The following GRM5 variants were observed in gnomAD, a reference collection of about 807,000 sequenced individuals.
The protein encoded by GRM5 is metabotropic glutamate receptor 5.
In GRM5, 19 loss-of-function variants were observed where a neutral mutation model predicts 83.1. The ratio of observed to expected loss-of-function variants is 0.23; its 90% CI spans 0.16 to 0.34. The LOEUF is 0.34. Ranked by LOEUF, GRM5 falls within the 10% of genes least tolerant of loss-of-function variation. GRM5 has a pLI of 1.00. For synonymous variants in GRM5, 675 were observed against 633.6 expected (o/e 1.07, Z -0.98); for missense variants, 1,160 against 1,588.3 (o/e 0.73, Z 4.58).
At chr11:88,670,339 G>T (rs78339652) in intron 3 of GRM5, among the ~76,000 whole-genome samples, 2,847 of 151,986 alleles carry the variant, frequency 0.019, 66 homozygotes, top group East Asian at 0.096. Flanking sequence ...ATAGGAAAGA[G>T]TTTTCAAAAA....
intron 3 of GRM5, among the ~76,000 whole-genome samples, chr11:88,722,427 G>C (rs1247054485): frequency 1.3e-5 from 2 of 152,124 alleles, no homozygotes. Flanking sequence ...TCCAAGTGTT[G>C]AGCAGAGGGA....
intron 3 of GRM5, among the ~76,000 whole-genome samples, chr11:88,792,926 C>T (rs1343495964): frequency 9.9e-5 from 15 of 152,018 alleles, no homozygotes; most frequent in Admixed American, 9.8e-4. Flanking sequence ...GTAAGATGGG[C>T]ATGATCTATT....
intron 1 of GRM5, among the ~76,000 whole-genome samples, chr11:89,064,888 C>CTGTGTGTG (rs71464050): frequency 1.6e-5 from 1 of 62,212 alleles, no homozygotes; most frequent in Admixed American, 1.7e-4. Context: ...CTCTCTCTCT[C>CTGTGTGTG]TGTGTGTGTG....
At chr11:88,995,829 T>C (rs562850798) in intron 2 of GRM5, among the ~76,000 whole-genome samples, 1 of 151,914 alleles carries the variant, frequency 6.6e-6, no homozygotes, top group Non-Finnish European at 1.5e-5. Context: ...CCAAATAAAA[T>C]ATCTACAAAT....
At chr11:88,687,442 A>C (rs1940655036) in intron 3 of GRM5, among the ~76,000 whole-genome samples, 1 of 138,700 alleles carries the variant, frequency 7.2e-6, no homozygotes, top group African/African-American at 2.8e-5. Flanking sequence ...GCTTCACTGC[A>C]CTCCAGCCTG....
intron 2 of GRM5, among the ~76,000 whole-genome samples, chr11:88,906,795 G>A (rs1408077899): frequency 6.6e-6 from 1 of 152,020 alleles, no homozygotes; most frequent in Non-Finnish European, 1.5e-5. Flanking sequence ...AGTAAATAAT[G>A]GAAACTCCAT....
At chr11:89,049,563 T>A (rs1279412745) in intron 1 of GRM5, among the ~76,000 whole-genome samples, 1 of 152,206 alleles carries the variant, frequency 6.6e-6, no homozygotes, top group African/African-American at 2.4e-5. Context: ...TACAAAAAGT[T>A]AAGTCCAGAC....
intron 3 of GRM5, among the ~76,000 whole-genome samples, chr11:88,753,265 C>T (rs962773816): frequency 1.3e-5 from 2 of 151,986 alleles, no homozygotes; most frequent in Non-Finnish European, 2.9e-5. Context: ...TGAGAAAAAA[C>T]AACCCCATCA....
Position 88,913,769 on chromosome 11 carries a change from T to C in GRM5, c.662-63614A>G, listed in dbSNP as rs1175406237. Among the ~76,000 whole-genome samples, 3 of 151,988 alleles carry C rather than the reference T, an allele frequency of 2.0e-5. No homozygotes were observed. The South Asian group carries it at 6.2e-4, about 32-fold the overall frequency. On this transcript the variant is annotated intron_variant, in intron 2 of 9. Coordinates refer to ENST00000305447, the MANE Select transcript of GRM5 (RefSeq NM_001143831.3). ...GCCAGGCTAATTTTTGTATTTTTAGTAGATATGGGATATCACCATGTTGGC... is the reference window on the plus strand; with the variant it reads ...GCCAGGCTAATTTTTGTATTTTTAGCAGATATGGGATATCACCATGTTGGC...
chr11:88,728,143 GAA>G (rs1023578632), intron 3 of GRM5, among the ~76,000 whole-genome samples: 3 of 151,324 alleles, frequency 2.0e-5, no homozygotes, highest in Admixed American at 2.0e-4. Context: ...TAATAAAAAA[GAA>G]AAAAAGAGAA....
chr11:88,627,214 C>T (rs1268852671), intron 4 of GRM5, among the ~76,000 whole-genome samples: 1 of 152,188 alleles, frequency 6.6e-6, no homozygotes, highest in Non-Finnish European at 1.5e-5. Flanking sequence ...TAAATCTAGC[C>T]TGTCAAATGC....
At chr11:88,568,176 C>T (rs966003768) in intron 7 of GRM5, among the ~76,000 whole-genome samples, 184 bp from the exon 8 acceptor site, 1 of 152,192 alleles carries the variant, frequency 6.6e-6, no homozygotes, top group African/African-American at 2.4e-5. Context: ...GATGATATTA[C>T]TGAACATGTA....
At chr11:89,008,190 A>G (rs1045316357) in intron 2 of GRM5, among the ~76,000 whole-genome samples, 26 of 152,162 alleles carry the variant, frequency 1.7e-4, no homozygotes, top group African/African-American at 4.8e-4. Flanking sequence ...TTGAAAACCT[A>G]TGCTGGAAAG....
chr11:88,642,043 C>G (rs2135287622), intron 4 of GRM5, among the ~76,000 whole-genome samples: 1 of 152,244 alleles, frequency 6.6e-6, no homozygotes, highest in East Asian at 1.9e-4. Context: ...GGGCTCCAAC[C>G]CTGCACCAGG....
intron 2 of GRM5, among the ~76,000 whole-genome samples, chr11:88,850,604 G>T (rs1008789988): frequency 7.3e-5 from 11 of 149,844 alleles, no homozygotes; most frequent in African/African-American, 2.4e-4. Context: ...TATAGATGTT[G>T]CCATATAAAT....
At chr11:89,031,297 A>G (rs1054154421) in intron 2 of GRM5, among the ~76,000 whole-genome samples, 3 of 151,956 alleles carry the variant, frequency 2.0e-5, no homozygotes, top group African/African-American at 7.2e-5. Context: ...TAAGTAATAA[A>G]TCTTAAAAAC....
chr11:88,879,584 C>A (rs1192531130), intron 2 of GRM5, among the ~76,000 whole-genome samples: 2 of 151,902 alleles, frequency 1.3e-5, no homozygotes, highest in African/African-American at 4.8e-5. Flanking sequence ...TGTAACCAGT[C>A]TCCTTCCCTT....
intron 6 of GRM5, among the ~76,000 whole-genome samples, chr11:88,593,160 GA>G (rs1221519984): frequency 1.3e-5 from 2 of 152,030 alleles, no homozygotes; most frequent in Non-Finnish European, 2.9e-5. Flanking sequence ...TAACATATCT[GA>G]AACTTTACTA....
rs145861143 is a variant in GRM5 at position 88,926,481 on chromosome 11, T to C, written c.662-76326A>G. Among the ~76,000 whole-genome samples the C allele has an allele frequency of 2.0e-5, 3 of 152,298 alleles. No individual in the cohort carries two copies. In the East Asian group the frequency reaches 5.8e-4, roughly 29 times the overall value. On this transcript the variant is annotated intron_variant, in intron 2 of 9. Coordinates refer to ENST00000305447, the MANE Select transcript of GRM5 (RefSeq NM_001143831.3). ...ATACAAAACTTACGTATATATCTAC[T>C]GATGGTGTTCATATAAAACTTGACC...
Sources: allele counts gnomAD v4.1 joint callset (sites outside exome capture counted in the v4.1 genomes callset), GRCh38; gene constraint gnomAD v4.1.1; transcripts MANE v1.5; gene names NCBI Gene and HGNC (gene_info 2026-07-23, HGNC 2026-07-21).